ZNF740: variants seen among roughly 807,000 people sequenced by gnomAD.
The protein encoded by ZNF740 is zinc finger protein 740.
A neutral mutation model predicts 24.8 loss-of-function variants in ZNF740; 14 were observed. That is an observed-to-expected ratio of 0.56 (90% confidence interval 0.37 to 0.88). The LOEUF (loss-of-function observed/expected upper bound fraction) is 0.88, where lower values mean the gene tolerates loss of function less well. Among genes scored for constraint, ZNF740 ranks in the 40% least tolerant of loss-of-function variants. The pLI is 0.00. For missense variants in ZNF740, 201 were observed against 247.9 expected (o/e 0.81, Z 1.27); for synonymous variants, 69 against 84.0 (o/e 0.82, Z 0.98).
Position 53,194,544 on chromosome 12 carries a change from C to T in ZNF740, c.*6954C>T, listed in dbSNP as rs1942090160. 1 of 542,194 alleles carries T rather than the reference C, an allele frequency of 1.8e-6. No homozygotes were observed. The highest frequency in any genetic ancestry group is 3.1e-5 in the Admixed American group (1 of 32,244). 33.6% of individuals were successfully genotyped at this position (542,194 alleles called of 1,614,324 possible). On this transcript the variant is annotated 3_prime_UTR_variant, in exon 7 of 7. Transcript: ENST00000416904. ...CATAGAACATACAGGATCCAGAGGC[C>T]TCTAATACAGCATTTCAGTGCAGCT...
chr12:53,181,178 G>T (rs987651834), intron 1 of ZNF740: 5 of 985,242 alleles, frequency 5.1e-6, no homozygotes, highest in South Asian at 9.4e-5. Context: ...GACACGCCGC[G>T]CCGGGCTTCG....
chr12:53,192,393 A>G lies in ZNF740; in HGVS notation c.*4803A>G. On this transcript the variant is annotated 3_prime_UTR_variant, in exon 7 of 7. Coordinates refer to ENST00000416904, the MANE Select transcript of ZNF740 (RefSeq NM_001004304.4). ...GCGTCATCCTCCACCAAGAAGAAGAACAGCTGGTTGTCCAGGGTCCGCTCT... is the reference window on the plus strand; with the variant it reads ...GCGTCATCCTCCACCAAGAAGAAGAGCAGCTGGTTGTCCAGGGTCCGCTCT... 5 of 1,614,138 alleles carry G rather than the reference A, an allele frequency of 3.1e-6. No individual in the cohort carries two copies. The highest frequency in any genetic ancestry group is 1.1e-5 in the South Asian group (1 of 91,078).
In ZNF740 at chr12:53,191,898, A is replaced by G; in HGVS notation, c.*4308A>G. 1.2e-6 allele frequency: 2 copies of G among 1,612,724 alleles called. No homozygotes were observed. The highest frequency in any genetic ancestry group is 1.7e-6 in the Non-Finnish European group (2 of 1,179,940). ...GTTGTTGCTGCTCCTTCTCAAAGCGACTGTATTCCCGGCGGTCATAGATTT... is the reference window on the plus strand; with the variant it reads ...GTTGTTGCTGCTCCTTCTCAAAGCGGCTGTATTCCCGGCGGTCATAGATTT... On this transcript the variant is annotated 3_prime_UTR_variant, in exon 7 of 7. Transcript: ENST00000416904.
In ZNF740 at chr12:53,193,486, G is replaced by C; in HGVS notation, c.*5896G>C. 1 of 805,164 alleles carries C rather than the reference G, an allele frequency of 1.2e-6. No individual in the cohort carries two copies. The highest frequency in any genetic ancestry group is 2.9e-5 in the Admixed American group (1 of 34,028). The allele number at this position is 805,164 out of a possible 1,614,324, so 49.9% of individuals were successfully genotyped here. On this transcript the variant is annotated 3_prime_UTR_variant, in exon 7 of 7. Transcript: ENST00000416904. ...TTGGAGACAGACAAACAGCTGAAAG[G>C]ATGTTAAGTATAGTGAAACACTGAG...
Position 53,188,134 on chromosome 12 carries a change from C to T in ZNF740, c.*544C>T, listed in dbSNP as rs755698351. The stretch of plus-strand genomic sequence containing the variant: ...CTCAGTGTTTCACAATCCTGCACTT[C>T]GCCTCCTTTTTGAGGAAGAATAAGG... On this transcript the variant is annotated 3_prime_UTR_variant, in exon 7 of 7. Transcript: ENST00000416904. The T allele has an allele frequency of 5.8e-5, 9 of 156,326 alleles. No individual in the cohort carries two copies. Among genetic ancestry groups the T allele is most frequent in the African/African-American group, 9.6e-5 (4 of 41,460 alleles). The allele number at this position is 156,326 out of a possible 1,614,324, so 9.7% of individuals were successfully genotyped here.
Position 53,185,020 on chromosome 12 carries a change from G to A in ZNF740, c.139G>A (p.Val47Met). The A allele has an allele frequency of 6.2e-7, 1 of 1,613,988 alleles. No homozygotes were observed. Among genetic ancestry groups the A allele is most frequent in the Non-Finnish European group, 8.5e-7 (1 of 1,179,892 alleles). The change falls in exon 3 of 7, where the codon GTG becomes ATG. Residue 47 changes from valine to methionine, a missense_variant. Val to Met is a conservative substitution (Grantham distance 21). Around this residue, in one of 3 missense-constraint regions of ZNF740, gnomAD observed 117 missense variants for 122.3 expected, o/e 0.96. Transcript: ENST00000416904. Reference protein sequence around the residue: ...ENGERAGSPDVLRCSSQGHRK... With the variant: ...ENGERAGSPDMLRCSSQGHRK... ...TGGCGAGCGGGCAGGTAGCCCTGAT[G>A]TGCTGAGGTGCTCGAGTCAGGTACA...
Position 53,191,720 on chromosome 12 carries a change from G to A in ZNF740, c.*4130G>A, listed in dbSNP as rs1205029443. On this transcript the variant is annotated 3_prime_UTR_variant, in exon 7 of 7. Coordinates refer to ENST00000416904, the MANE Select transcript of ZNF740 (RefSeq NM_001004304.4). ...AGACCTAAGAGGCCAGCCTTGAGCC[G>A]AATCCTAGGAGCTGATGGAAGTTAG... is the stretch of plus-strand genomic sequence containing the variant. 1.3e-5 allele frequency: 20 copies of A among 1,523,698 alleles called. No homozygotes were observed. The highest frequency in any genetic ancestry group is 6.8e-5 in the East Asian group (3 of 44,386). 94.4% of individuals were successfully genotyped at this position (1,523,698 alleles called of 1,614,324 possible). A position where few individuals can be genotyped will look rare whatever the true frequency, so the allele number is the denominator to read the frequency against.
At chr12:53,183,267 A>G (rs1246595704) in intron 2 of ZNF740, among the ~76,000 whole-genome samples, 1 of 152,252 alleles carries the variant, frequency 6.6e-6, no homozygotes, top group Non-Finnish European at 1.5e-5. Flanking sequence ...CCCTGTAAGG[A>G]TAAGCATTAT....
rs116256209 is a variant in ZNF740, at chr12:53,193,045, T to C, written c.*5455T>C. On this transcript the variant is annotated 3_prime_UTR_variant, in exon 7 of 7. Coordinates refer to ENST00000416904, the MANE Select transcript of ZNF740 (RefSeq NM_001004304.4). ...CCCTCTAACCCATACACCGGAATCT[T>C]TTGATATTTGCCTTCCATGCCAGGA... 814 of 1,383,998 alleles carry C rather than the reference T, an allele frequency of 5.9e-4. 4 individuals are homozygous for C. In the African/African-American group the frequency reaches 0.01, roughly 17 times the overall value. 85.7% of individuals were successfully genotyped at this position (1,383,998 alleles called of 1,614,324 possible). A position where few individuals can be genotyped will look rare whatever the true frequency, so the allele number is the denominator to read the frequency against.
chr12:53,184,152 C>CGCGCGCGCGT (rs1555175917), intron 2 of ZNF740, among the ~76,000 whole-genome samples: 18 of 42,320 alleles, frequency 4.3e-4, no homozygotes, highest in African/African-American at 1.6e-3. Context: ...TGTGTGTGTG[C>CGCGCGCGCGT]GCGCGCGCGC....
rs1005581021 is a variant in ZNF740, at chr12:53,188,177, G to T, written c.*587G>T. 2 of 156,164 alleles carry T rather than the reference G, an allele frequency of 1.3e-5. No individual in the cohort carries two copies. The highest frequency in any genetic ancestry group is 4.8e-5 in the African/African-American group (2 of 41,436). The allele number at this position is 156,164 out of a possible 1,614,324, so 9.7% of individuals were successfully genotyped here. ...GAATAAGGTCAGGAATGGCAGCTGA[G>T]CTTACTTTGGCTTCCTTATACACTG... On this transcript the variant is annotated 3_prime_UTR_variant, in exon 7 of 7. Coordinates refer to ENST00000416904, the MANE Select transcript of ZNF740 (RefSeq NM_001004304.4).
Position 53,184,114 on chromosome 12 carries a change from G to GGTGTGTGTGTGTGTGTGTGTGTGT in ZNF740, c.10-763_10-740dup, listed in dbSNP as rs754768891. On this transcript the variant is annotated intron_variant, in intron 2 of 6. Transcript: ENST00000416904. ...TCAAAAGTGGGCTCTGAAGCTAAGG[G>GGTGTGTGTGTGTGTGTGTGTGTGT]GTGTGTGTGTGTGTGTGTGTGTGTG... is the stretch of plus-strand genomic sequence containing the variant. Among the ~76,000 whole-genome samples, 53 of 123,564 alleles carry GGTGTGTGTGTGTGTGTGTGTGTGT rather than the reference G, an allele frequency of 4.3e-4. No homozygotes were observed. The East Asian group carries it at 4.4e-3, about 10-fold the overall frequency. The allele number at this position is 123,564 out of a possible 152,430, so 81.1% of individuals were successfully genotyped here. A position where few individuals can be genotyped will look rare whatever the true frequency, so the allele number is the denominator to read the frequency against.
In ZNF740 at chr12:53,192,449, A is replaced by G; in HGVS notation, c.*4859A>G. On this transcript the variant is annotated 3_prime_UTR_variant, in exon 7 of 7. Transcript: ENST00000416904. ...CCAGCCATCATCCAAGATAGGGGCC[A>G]AGGCCAGGGTCACATTGGTATGGGC... 6.2e-7 allele frequency: 1 copy of G among 1,614,160 alleles called. No individual in the cohort carries two copies. The highest frequency in any genetic ancestry group is 8.5e-7 in the Non-Finnish European group (1 of 1,180,034).
In ZNF740 at chr12:53,190,672, G is replaced by A. The variant is rs1484061770; in HGVS notation, c.*3082G>A. On this transcript the variant is annotated 3_prime_UTR_variant, in exon 7 of 7. Coordinates refer to ENST00000416904, the MANE Select transcript of ZNF740 (RefSeq NM_001004304.4). ...CCCTTCCTATCCTCCTCTCCACCCT[G>A]TTTTTTGTTTTTTTTTTTTTTAAAT... 2 of 149,090 alleles carry A rather than the reference G, an allele frequency of 1.3e-5. No individual in the cohort carries two copies. Among genetic ancestry groups the A allele is most frequent in the Admixed American group, 1.3e-4 (2 of 14,920 alleles). The allele number at this position is 149,090 out of a possible 1,614,324, so 9.2% of individuals were successfully genotyped here.
chr12:53,194,103 A>G lies in ZNF740; in HGVS notation c.*6513A>G. 1.3e-6 allele frequency: 2 copies of G among 1,540,762 alleles called. No individual in the cohort carries two copies. The highest frequency in any genetic ancestry group is 8.9e-7 in the Non-Finnish European group (1 of 1,124,320). On this transcript the variant is annotated 3_prime_UTR_variant, in exon 7 of 7. Transcript: ENST00000416904. ...GAGGACTACCTCAGGCTCTCATGTC[A>G]CTCCCTGTACCTGCCACCCATCTTT...
rs973822046 is a variant in ZNF740, at chr12:53,190,684, T to G, written c.*3094T>G. On this transcript the variant is annotated 3_prime_UTR_variant, in exon 7 of 7. Coordinates refer to ENST00000416904, the MANE Select transcript of ZNF740 (RefSeq NM_001004304.4). ...TCCTCTCCACCCTGTTTTTTGTTTT[T>G]TTTTTTTTTAAATAATATTTTGCTA... The G allele has an allele frequency of 1.3e-5, 2 of 152,240 alleles. No individual in the cohort carries two copies. Among genetic ancestry groups the G allele is most frequent in the East Asian group, 1.9e-4 (1 of 5,176 alleles). 9.4% of individuals were successfully genotyped at this position (152,240 alleles called of 1,614,324 possible).
intron 6 of ZNF740, 147 bp downstream of exon 6, chr12:53,186,656 C>T (rs1310294747): frequency 5.1e-6 from 3 of 583,638 alleles, no homozygotes; most frequent in Non-Finnish European, 9.1e-6. Flanking sequence ...TCTGTCTGGC[C>T]TTATGCAGCT....
Position 53,194,162 on chromosome 12 carries a change from C to G in ZNF740, c.*6572C>G. 1 of 1,612,716 alleles carries G rather than the reference C, an allele frequency of 6.2e-7. No homozygotes were observed. Among genetic ancestry groups the G allele is most frequent in the Non-Finnish European group, 8.5e-7 (1 of 1,178,920 alleles). ...GCTTAATTTCCCACTCCCACCTCCCCCTGCCCGCCTTCTGCCTGTGCTTGC... is the reference window on the plus strand; with the variant it reads ...GCTTAATTTCCCACTCCCACCTCCCGCTGCCCGCCTTCTGCCTGTGCTTGC... On this transcript the variant is annotated 3_prime_UTR_variant, in exon 7 of 7. Coordinates refer to ENST00000416904, the MANE Select transcript of ZNF740 (RefSeq NM_001004304.4).
chr12:53,184,152 C>CGCGCGT (rs1565690709), intron 2 of ZNF740, among the ~76,000 whole-genome samples: 1 of 42,288 alleles, frequency 2.4e-5, no homozygotes, highest in African/African-American at 8.7e-5. Flanking sequence ...TGTGTGTGTG[C>CGCGCGT]GCGCGCGCGC....
Sources: allele counts gnomAD v4.1 joint callset (sites outside exome capture counted in the v4.1 genomes callset), GRCh38; gene constraint gnomAD v4.1.1; regional missense constraint gnomAD v4.1.1; transcripts MANE v1.5; gene names NCBI Gene and HGNC (gene_info 2026-07-23, HGNC 2026-07-21).